The following ZFHX3 variants were observed in gnomAD, a reference collection of about 807,000 sequenced individuals.
ZFHX3 encodes the protein zinc finger homeobox protein 3.
In ZFHX3, 42 loss-of-function variants were observed where a neutral mutation model predicts 279.1. That is an observed-to-expected ratio of 0.15 (90% CI 0.12 to 0.19). The LOEUF is 0.19. ZFHX3 is among the 10% of genes least tolerant of loss of function. The pLI is 1.00. For missense variants in ZFHX3, 4,981 were observed against 4,754.0 expected (o/e 1.05, Z -1.40); for synonymous variants, 2,293 against 1,957.8 (o/e 1.17, Z -4.52).
At chr16:73,571,811 G>C (rs2051739711) in intron 2 of ZFHX3, among the ~76,000 whole-genome samples, 1 of 152,140 alleles carries the variant, frequency 6.6e-6, no homozygotes, top group African/African-American at 2.4e-5. Flanking sequence ...TGTCGTGAAA[G>C]GGGTGTCTCA....
intron 3 of ZFHX3, among the ~76,000 whole-genome samples, chr16:73,424,218 G>A (rs747691231): frequency 2.0e-5 from 3 of 152,160 alleles, no homozygotes; most frequent in Non-Finnish European, 4.4e-5. Flanking sequence ...CCACTTACTA[G>A]TAGTCTCTCA....
chr16:73,807,139 G>C (rs1960297357), intron 1 of ZFHX3, among the ~76,000 whole-genome samples: 1 of 152,184 alleles, frequency 6.6e-6, no homozygotes, highest in African/African-American at 2.4e-5. Flanking sequence ...CCGAGAAGAG[G>C]CAGCAGGGAC....
At chr16:72,970,151 G>A (rs1373038832) in intron 1 of ZFHX3, among the ~76,000 whole-genome samples, 1 of 151,968 alleles carries the variant, frequency 6.6e-6, no homozygotes, top group Non-Finnish European at 1.5e-5. Context: ...GGAGAGAGTC[G>A]TGACAGCGGA....
At chr16:73,004,995 C>T (rs989356499) in intron 1 of ZFHX3, among the ~76,000 whole-genome samples, 2 of 152,188 alleles carry the variant, frequency 1.3e-5, no homozygotes, top group Non-Finnish European at 1.5e-5. Flanking sequence ...CCATTTATTG[C>T]ATAATTTTAT....
chr16:73,629,254 T>C (rs1271259162), intron 2 of ZFHX3, among the ~76,000 whole-genome samples: 2 of 152,152 alleles, frequency 1.3e-5, no homozygotes, highest in Non-Finnish European at 2.9e-5. Flanking sequence ...GCCCTGTATG[T>C]TGCCTGGAAT....
chr16:73,415,485 G>C (rs1364403172), intron 3 of ZFHX3, among the ~76,000 whole-genome samples: 1 of 152,094 alleles, frequency 6.6e-6, no homozygotes, highest in Non-Finnish European at 1.5e-5. Flanking sequence ...CTTCAATCTG[G>C]GGAGAAAAGG....
At chr16:73,135,931 C>T (rs1215280531) in intron 6 of ZFHX3, among the ~76,000 whole-genome samples, 1 of 151,596 alleles carries the variant, frequency 6.6e-6, no homozygotes, top group Non-Finnish European at 1.5e-5. Flanking sequence ...GATCTCGGCT[C>T]ACTGCAACCT....
chr16:73,521,620 G>A (rs542324256), intron 2 of ZFHX3, among the ~76,000 whole-genome samples: 1 of 152,254 alleles, frequency 6.6e-6, no homozygotes, highest in Non-Finnish European at 1.5e-5. Context: ...GTGAGAAAAT[G>A]TAGTGAACGT....
At chr16:73,012,991 C>T (rs1963967011) in intron 1 of ZFHX3, among the ~76,000 whole-genome samples, 1 of 152,188 alleles carries the variant, frequency 6.6e-6, no homozygotes, top group African/African-American at 2.4e-5. Context: ...CACACTTCCC[C>T]CAGGACTCCT....
intron 2 of ZFHX3, among the ~76,000 whole-genome samples, chr16:73,492,255 C>A (rs926125301): frequency 6.6e-6 from 1 of 152,156 alleles, no homozygotes; most frequent in African/African-American, 2.4e-5. Flanking sequence ...AAACAAGCCA[C>A]TCCTGACTCC....
chr16:73,819,301 G>T (rs1960668006), intron 1 of ZFHX3, among the ~76,000 whole-genome samples: 1 of 150,876 alleles, frequency 6.6e-6, no homozygotes, highest in African/African-American at 2.4e-5. Context: ...TACACTGTAG[G>T]ATATTTGGCA....
chr16:73,423,207 C>G (rs980887430), intron 3 of ZFHX3, among the ~76,000 whole-genome samples: 6 of 146,550 alleles, frequency 4.1e-5, no homozygotes, highest in Non-Finnish European at 8.9e-5. Flanking sequence ...CCTATAACAC[C>G]ACCCTTTGTT....
intron 4 of ZFHX3, among the ~76,000 whole-genome samples, chr16:72,856,232 C>T (rs13330847): frequency 0.032 from 4,898 of 152,286 alleles, 279 homozygotes; most frequent in African/African-American, 0.11. Context: ...CTGCAGCTCC[C>T]CTGCCATGTT....
In ZFHX3 at chr16:72,788,790, A is replaced by G; in HGVS notation, c.9486T>C (p.Pro3162=). The G allele has an allele frequency of 1.9e-6, 3 of 1,547,044 alleles. 1 individual carries two copies. The South Asian group carries it at 3.8e-5, about 20-fold the overall frequency. The part of the protein sequence containing the change: ...MGLPSTTVPS[P]GLPTSGLPNK... ...TTGGTAATCCAGAAGTGGGGAGGCC[A>G]GGGGAAGGAACAGTTGTGCTGGGCA... is the stretch of plus-strand genomic sequence containing the variant. Residue 3162 remains proline, a synonymous_variant, in exon 10 of 10, where the codon CCT becomes CCC. Coordinates refer to ENST00000268489, the MANE Select transcript of ZFHX3 (RefSeq NM_006885.4).
chr16:73,787,614 T>G (rs1182955046), intron 1 of ZFHX3, among the ~76,000 whole-genome samples: 1 of 152,150 alleles, frequency 6.6e-6, no homozygotes, highest in Non-Finnish European at 1.5e-5. Context: ...GAAATAAGTT[T>G]CATGTAGCTT....
chr16:73,760,466 GCTGGCAGCATCATCCTGATACCAAAAC>G (rs897264569), intron 1 of ZFHX3, among the ~76,000 whole-genome samples: 3 of 150,090 alleles, frequency 2.0e-5, no homozygotes, highest in East Asian at 1.9e-4. Flanking sequence ...GATACCAAAA[GCTGGCAGCATCATCCTGATACCAAAAC>G]CTGGCAGCAT....
At chr16:73,220,207 A>T (rs563390764) in intron 5 of ZFHX3, among the ~76,000 whole-genome samples, 6 of 152,316 alleles carry the variant, frequency 3.9e-5, no homozygotes, top group African/African-American at 1.4e-4. Context: ...ACAGGAAGGG[A>T]GTAGGGGGCA....
chr16:73,809,717 C>T (rs955853943), intron 1 of ZFHX3: 9 of 152,138 alleles, frequency 5.9e-5, no homozygotes, highest in Non-Finnish European at 1.0e-4. Context: ...ATGGAATAAA[C>T]GGAGGGGATT....
chr16:73,059,109 C>T (rs571178028), exon 1 of ZFHX3: 5 of 151,702 alleles, frequency 3.3e-5, no homozygotes, highest in Admixed American at 6.6e-5. Context: ...GCATGTGCTT[C>T]ATTACCCAGG....
Sources: allele counts gnomAD v4.1 joint callset (sites outside exome capture counted in the v4.1 genomes callset), GRCh38; gene constraint gnomAD v4.1.1; transcripts MANE v1.5; gene names NCBI Gene and HGNC (gene_info 2026-07-23, HGNC 2026-07-21).